OTUD7A: variants seen among roughly 807,000 people sequenced by gnomAD.
OTUD7A encodes OTU deubiquitinase 7A.
OTUD7A carries 12 observed loss-of-function variants against 65.7 expected under a neutral mutation model. That is an observed-to-expected ratio of 0.18 (90% CI 0.12 to 0.30). The LOEUF is 0.30. OTUD7A is among the 10% of genes least tolerant of loss of function. The probability of loss-of-function intolerance (pLI) is 1.00; values close to 1 mark genes in which losing one functional copy is unlikely to be tolerated. For synonymous variants in OTUD7A, 641 were observed against 586.3 expected, an observed-to-expected ratio of 1.09 and a Z score of -1.35; for missense variants, 1,148 against 1,304.8, an observed-to-expected ratio of 0.88 and a Z score of 1.85.
At chr15:31,847,620 T>C (rs986853193) in intron 1 of OTUD7A, among the ~76,000 whole-genome samples, 14 of 152,204 alleles carry the variant, frequency 9.2e-5, no homozygotes, top group African/African-American at 3.4e-4. Flanking sequence ...AGAGCTCTGA[T>C]AATGTCGTGA....
At chr15:31,501,645 C>T (rs377536197) in intron 10 of OTUD7A, 45 bp downstream of exon 10, 49 of 1,612,660 alleles carry the variant, frequency 3.0e-5, no homozygotes, top group Non-Finnish European at 4.0e-5. Flanking sequence ...TGGCTCTGCC[C>T]CCACCCTAGG....
At chr15:31,802,153 A>ATATG (rs112482684) in intron 1 of OTUD7A, among the ~76,000 whole-genome samples, 3 of 150,178 alleles carry the variant, frequency 2.0e-5, no homozygotes, top group Admixed American at 1.3e-4. Flanking sequence ...ATATATATAT[A>ATATG]TGTAAAGGGG....
chr15:31,834,771 T>C (rs1031718810), intron 1 of OTUD7A, among the ~76,000 whole-genome samples: 4 of 152,220 alleles, frequency 2.6e-5, no homozygotes, highest in African/African-American at 9.6e-5. Flanking sequence ...CCAGGAAGTA[T>C]GTAAAAGTGG....
At chr15:31,807,179 A>G (rs1177183952) in intron 1 of OTUD7A, among the ~76,000 whole-genome samples, 3 of 152,204 alleles carry the variant, frequency 2.0e-5, no homozygotes, top group African/African-American at 4.8e-5. Context: ...AATAGAGTCA[A>G]TAACACCGTT....
At chr15:31,544,998 T>C (rs981434022) in intron 5 of OTUD7A, among the ~76,000 whole-genome samples, 2 of 151,944 alleles carry the variant, frequency 1.3e-5, no homozygotes, top group Non-Finnish European at 2.9e-5. Flanking sequence ...CTCCTAGAAA[T>C]ATCCCCACAG....
At position 31,849,823 on chromosome 15, in the gene OTUD7A, C is replaced by G. The variant is rs8033968; in HGVS notation, c.-100+20684G>C. Among the ~76,000 whole-genome samples, 1,068 of 152,278 alleles carry G rather than the reference C, an allele frequency of 7.0e-3. 15 individuals carry two copies. The highest frequency in any genetic ancestry group is 0.025 in the African/African-American group (1,028 of 41,556). On this transcript the variant is annotated intron_variant, in intron 1 of 12. Transcript: ENST00000307050. ...AAATGCTCATCATCACTGGCCATCACAGAAATGCAAATCAAAACCACAATG... is the reference window on the plus strand; with the variant it reads ...AAATGCTCATCATCACTGGCCATCAGAGAAATGCAAATCAAAACCACAATG...
intron 1 of OTUD7A, among the ~76,000 whole-genome samples, chr15:31,712,963 C>A (rs1893485133): frequency 6.6e-6 from 1 of 152,096 alleles, no homozygotes; most frequent in South Asian, 2.1e-4. Flanking sequence ...CTAACTGGGG[C>A]TTCTGGCCTG....
intron 1 of OTUD7A, among the ~76,000 whole-genome samples, chr15:31,865,027 C>T (rs1282929425): frequency 3.0e-5 from 3 of 98,772 alleles, no homozygotes; most frequent in Non-Finnish European, 7.2e-5. Context: ...CCCTTGTGGC[C>T]CCCCCCTGGG....
At chr15:31,486,192 A>G (rs76265931) in intron 12 of OTUD7A, among the ~76,000 whole-genome samples, 42,043 of 152,114 alleles carry the variant, frequency 0.28, 6,038 homozygotes, top group East Asian at 0.4. Flanking sequence ...ATCTCGAGCC[A>G]CTGCCATCAC....
In OTUD7A at chr15:31,510,605, AACAT is replaced by A. The variant is rs1295400642; in HGVS notation, c.894-6791_894-6788del. Among the ~76,000 whole-genome samples the A allele has an allele frequency of 1.9e-3, 53 of 27,382 alleles. 2 individuals are homozygous for A. The highest frequency in any genetic ancestry group is 4.7e-3 in the East Asian group (2 of 426). The allele number at this position is 27,382 out of a possible 152,430, so 18.0% of individuals were successfully genotyped here. Reference sequence around the variant, plus strand: ...AACATACATATGTATATCTATATGTAACATACATATGTATATCTATATGTAACAT... The same window carrying A: ...AACATACATATGTATATCTATATGTAACATATGTATATCTATATGTAACAT... On this transcript the variant is annotated intron_variant, in intron 8 of 12. Transcript: ENST00000307050.
chr15:31,695,401 G>C (rs1466448702), intron 1 of OTUD7A, among the ~76,000 whole-genome samples: 5 of 142,688 alleles, frequency 3.5e-5, no homozygotes, highest in Non-Finnish European at 7.7e-5. Context: ...CACTGTACTA[G>C]TGTTCTCTTT....
intron 3 of OTUD7A, among the ~76,000 whole-genome samples, chr15:31,601,476 T>C (rs1052399836): frequency 1.1e-4 from 16 of 152,188 alleles, no homozygotes; most frequent in South Asian, 2.1e-4. Flanking sequence ...GAGGGAAATT[T>C]ATAGCACTAA....
intron 1 of OTUD7A, among the ~76,000 whole-genome samples, chr15:31,682,063 G>A (rs906212501): frequency 1.3e-5 from 2 of 152,146 alleles, no homozygotes; most frequent in African/African-American, 4.8e-5. Flanking sequence ...AAACCACAGA[G>A]GACTGGGGAT....
chr15:31,815,679 C>A (rs895321419), intron 1 of OTUD7A, among the ~76,000 whole-genome samples: 1 of 152,218 alleles, frequency 6.6e-6, no homozygotes, highest in Non-Finnish European at 1.5e-5. Flanking sequence ...GTGGTGGCGG[C>A]AGGATGGAGC....
intron 1 of OTUD7A, among the ~76,000 whole-genome samples, chr15:31,743,616 A>G (rs1894399195): frequency 6.6e-6 from 1 of 152,138 alleles, no homozygotes; most frequent in Admixed American, 6.6e-5. Context: ...GAAAATAAAT[A>G]AAATCAACAG....
chr15:31,663,246 AACACACACAC>A (rs531313199), intron 1 of OTUD7A, among the ~76,000 whole-genome samples: 13 of 140,644 alleles, frequency 9.2e-5, no homozygotes, highest in Admixed American at 2.1e-4. Flanking sequence ...TCTTGGGCTA[AACACACACAC>A]ACACACACAC....
At chr15:31,508,441 C>T (rs1026227206) in intron 8 of OTUD7A, among the ~76,000 whole-genome samples, 2 of 152,218 alleles carry the variant, frequency 1.3e-5, no homozygotes, top group African/African-American at 4.8e-5. Context: ...GCTCCGCCTC[C>T]TGGGTTCACA....
At chr15:31,793,528 A>G (rs1457508175) in intron 1 of OTUD7A, among the ~76,000 whole-genome samples, 1 of 152,154 alleles carries the variant, frequency 6.6e-6, no homozygotes, top group African/African-American at 2.4e-5. Context: ...CCTCCTACAA[A>G]CCAAAAATAC....
At position 31,480,438 on chromosome 15, in the gene OTUD7A, T is replaced by C. The variant is rs1488546795; in HGVS notation, c.*2856A>G. The C allele has an allele frequency of 6.6e-6, 1 of 152,194 alleles. No individual in the cohort carries two copies. Among genetic ancestry groups the C allele is most frequent in the African/African-American group, 2.4e-5 (1 of 41,436 alleles). 9.4% of individuals were successfully genotyped at this position (152,194 alleles called of 1,614,324 possible). A position where few individuals can be genotyped will look rare whatever the true frequency, so the allele number is the denominator to read the frequency against. On this transcript the variant is annotated 3_prime_UTR_variant, in exon 13 of 13. Coordinates refer to ENST00000307050, the MANE Select transcript of OTUD7A (RefSeq NM_001382637.1). ...GAAAGGGAAGTGTGGCCAGATCAGG[T>C]GGGGAAGGCTGCTCTCAGGCAGGGT...
Sources: allele counts gnomAD v4.1 joint callset (sites outside exome capture counted in the v4.1 genomes callset), GRCh38; gene constraint gnomAD v4.1.1; transcripts MANE v1.5; gene names NCBI Gene and HGNC (gene_info 2026-07-23, HGNC 2026-07-21).